KLK15: variants seen among roughly 807,000 people sequenced by gnomAD.
KLK15 encodes kallikrein-15.
Under a neutral mutation model 21.1 loss-of-function variants are expected in KLK15, and 19 were observed. The ratio of observed to expected loss-of-function variants is 0.90; its 90% CI spans 0.63 to 1.32. The LOEUF (loss-of-function observed/expected upper bound fraction) is 1.32, where lower values mean the gene tolerates loss of function less well. Among genes scored for constraint, KLK15 ranks in the 40% most tolerant of loss-of-function variants. KLK15 has a pLI of 0.00. For missense variants in KLK15, 345 were observed against 348.6 expected (o/e 0.99, Z 0.08); for synonymous variants, 141 against 141.5 (o/e 1.00, Z 0.03).
At chr19:50,832,328 T>TTTTC (rs1267494963), upstream of KLK15, among the ~76,000 whole-genome samples, 3 of 91,354 alleles carry the variant, frequency 3.3e-5, no homozygotes, top group East Asian at 8.6e-4. Flanking sequence ...TTTTCTTTTT[T>TTTTC]TTTTTTTTTT....
downstream of KLK15, chr19:50,825,309 A>C (rs1314716933): frequency 6.6e-6 from 1 of 152,616 alleles, no homozygotes; most frequent in Non-Finnish European, 1.5e-5. Context: ...ACACGATTTT[A>C]ATCAGTTCAG....
Position 50,826,654 on chromosome 19 carries a change from T to G in KLK15, c.585A>C (p.Ala195=), listed in dbSNP as rs767909790. 4 of 1,611,428 alleles carry G rather than the reference T, an allele frequency of 2.5e-6. No individual in the cohort carries two copies. The South Asian group carries it at 4.4e-5, about 18-fold the overall frequency. Residue 195 remains alanine (A), a synonymous_variant, in exon 4 of 5, where the codon GCA becomes GCC. Coordinates refer to ENST00000598239, the Ensembl canonical transcript of KLK15. ...ATTCTGCGCCTCTGCCCTCCGCGCC[T>G]GCACACACCATGGTGTTTGTCAGGC...
chr19:50,831,588 G>T, upstream of KLK15: 2 of 973,302 alleles, frequency 2.1e-6, no homozygotes, highest in Non-Finnish European at 2.9e-6. Context: ...GATCCCTCCA[G>T]ACACAGACTT....
At chr19:50,831,600 T>C, upstream of KLK15, 1 of 813,330 alleles carries the variant, frequency 1.2e-6, no homozygotes, top group Non-Finnish European at 1.8e-6. Flanking sequence ...CACAGACTTA[T>C]CCCATCCACT....
upstream of KLK15, chr19:50,831,641 C>A: frequency 1.9e-6 from 1 of 529,646 alleles, no homozygotes; most frequent in South Asian, 4.4e-5. Context: ...CACCGGTATC[C>A]CCTTCCCCCA....
intron 1 of KLK15, among the ~76,000 whole-genome samples, chr19:50,829,676 T>C (rs1353744671): frequency 6.6e-6 from 1 of 151,688 alleles, no homozygotes; most frequent in Admixed American, 6.6e-5. Context: ...AAAAATCAGC[T>C]GGGCGTGGTG....
chr19:50,832,942 GTGAATTGAAA>G (rs1452419312), upstream of KLK15, among the ~76,000 whole-genome samples: 2 of 152,136 alleles, frequency 1.3e-5, no homozygotes, highest in Non-Finnish European at 2.9e-5. Context: ...AGCTTTGAGG[GTGAATTGAAA>G]TCCTTCTTCC....
upstream of KLK15, among the ~76,000 whole-genome samples, chr19:50,832,316 TTTTTTC>T (rs1568487502): frequency 1.0e-5 from 1 of 99,072 alleles, no homozygotes; most frequent in African/African-American, 3.4e-5. Flanking sequence ...TTCTTTCTTT[TTTTTTC>T]TTTTTTTTTT....
intron 1 of KLK15, 165 bp downstream of exon 2, chr19:50,831,285 C>A: frequency 2.1e-6 from 1 of 466,804 alleles, no homozygotes; most frequent in Non-Finnish European, 3.6e-6. Flanking sequence ...GCAGCACCAG[C>A]ACCTGACGGT....
chr19:50,827,148 G>T (rs757700296), exon 3 of KLK15: 5 of 1,588,674 alleles, frequency 3.1e-6, no homozygotes, highest in South Asian at 1.1e-5. Context: ...TCTCCCAGGC[G>T]CACTCTCATG....
intron 2 of KLK15, 36 bp from the exon 4 acceptor site, chr19:50,827,197 C>T (rs1223494214): frequency 1.9e-6 from 3 of 1,548,410 alleles, no homozygotes; most frequent in East Asian, 2.3e-5. Flanking sequence ...CAGTGGAGTG[C>T]GGGCCAGTGG....
intron 1 of KLK15, among the ~76,000 whole-genome samples, chr19:50,828,121 T>G (rs1462105227): frequency 6.6e-6 from 1 of 151,388 alleles, no homozygotes; most frequent in Non-Finnish European, 1.5e-5. Context: ...AATTTTTGTA[T>G]TTTTAGTAGA....
exon 5 of KLK15, chr19:50,825,872 T>G (rs547009251): frequency 7.1e-5 from 115 of 1,613,944 alleles, no homozygotes; most frequent in African/African-American, 2.5e-4. Flanking sequence ...CTTGGTGGTG[T>G]TGTCACAAGG....
chr19:50,831,240 C>T lies in KLK15; in HGVS notation c.43+210G>A, dbSNP rs904910555. 6.9e-5 allele frequency: 28 copies of T among 406,376 alleles called. No homozygotes were observed. In the Middle Eastern group the frequency reaches 1.9e-3, roughly 27 times the overall value. 25.2% of individuals were successfully genotyped at this position (406,376 alleles called of 1,614,324 possible). A position where few individuals can be genotyped will look rare whatever the true frequency, so the allele number is the denominator to read the frequency against. On this transcript the variant is annotated intron_variant, in intron 1 of 4. Coordinates refer to ENST00000598239, the Ensembl canonical transcript of KLK15. ...GGACCGTGTTCCTTGTCGTGGGCAG[C>T]GAGAGGCCCCAGGCAACATAGCGAC... is the stretch of plus-strand genomic sequence containing the variant.
In KLK15 at chr19:50,827,169, G is replaced by A; in HGVS notation, c.198-8C>T. 6.4e-7 allele frequency: 1 copy of A among 1,563,948 alleles called. No individual in the cohort carries two copies. The highest frequency in any genetic ancestry group is 8.6e-7 in the Non-Finnish European group (1 of 1,158,966). Reference sequence around the variant, plus strand: ...AGGCGCACTCTCATGAAGCTGTGCGGGCGAGTGGTTTTCCCGCCAGTGGAG... The same window carrying A: ...AGGCGCACTCTCATGAAGCTGTGCGAGCGAGTGGTTTTCCCGCCAGTGGAG... On this transcript the variant is annotated splice_polypyrimidine_tract_variant and splice_region_variant and intron_variant, in intron 2 of 4. Coordinates refer to ENST00000598239, the Ensembl canonical transcript of KLK15.
chr19:50,827,786 C>T, exon 2 of KLK15: 1 of 1,611,416 alleles, frequency 6.2e-7, no homozygotes, highest in Non-Finnish European at 8.5e-7. Context: ...CACTCGTCAC[C>T]TTCCAGCAAC....
chr19:50,831,704 C>A (rs1186334026), upstream of KLK15, among the ~76,000 whole-genome samples: 3 of 152,140 alleles, frequency 2.0e-5, no homozygotes, highest in Non-Finnish European at 4.4e-5. Flanking sequence ...GTTTACTCTT[C>A]CTCTAGGCAC....
chr19:50,833,311 C>G (rs1200479110), upstream of KLK15: 1 of 154,602 alleles, frequency 6.5e-6, no homozygotes, highest in African/African-American at 2.4e-5. Flanking sequence ...TCCTGATCCA[C>G]TCCATCCCCC....
At chr19:50,832,894 C>G (rs1398500409), upstream of KLK15, among the ~76,000 whole-genome samples, 1 of 152,202 alleles carries the variant, frequency 6.6e-6, no homozygotes, top group Non-Finnish European at 1.5e-5. Flanking sequence ...CTCTGGGTCT[C>G]CAGTACTGCA....
Sources: allele counts gnomAD v4.1 joint callset (sites outside exome capture counted in the v4.1 genomes callset), GRCh38; gene constraint gnomAD v4.1.1; transcripts MANE v1.5; gene names NCBI Gene and HGNC (gene_info 2026-07-23, HGNC 2026-07-21).